Variants in TNRC6C observed in about 807,000 individuals in gnomAD.
The protein encoded by TNRC6C is trinucleotide repeat containing adaptor 6C, also known as trinucleotide repeat-containing gene 6C protein.
A neutral mutation model predicts 153.7 loss-of-function variants in TNRC6C; 20 were observed. The ratio of observed to expected loss-of-function variants is 0.13; its 90% CI spans 0.09 to 0.19. The LOEUF (loss-of-function observed/expected upper bound fraction) is 0.19. TNRC6C is among the 10% of genes least tolerant of loss of function. The probability of loss-of-function intolerance (pLI) is 1.00; values close to 1 mark genes in which losing one functional copy is unlikely to be tolerated. For missense variants in TNRC6C, 1,987 were observed against 2,172.0 expected (o/e 0.91, Z 1.69); for synonymous variants, 811 against 841.4 (o/e 0.96, Z 0.63).
chr17:78,000,927 T>G (rs1010475570), upstream of TNRC6C, among the ~76,000 whole-genome samples: 10 of 152,180 alleles, frequency 6.6e-5, no homozygotes, highest in Non-Finnish European at 1.5e-4. Context: ...CTACATAATT[T>G]CACCTTTTGA....
Position 78,050,592 on chromosome 17 carries a change from C to T in TNRC6C, c.1530C>T (p.Val510=), listed in dbSNP as rs765293196. The T allele has an allele frequency of 1.1e-5, 17 of 1,590,800 alleles. No homozygotes were observed. In the East Asian group the frequency reaches 2.9e-4, roughly 27 times the overall value. ...ATACCTCTTCAGTATCTGGGTGGGT[C>T]AACGCGCCACCTGCCGCTGTGCCAG... is the stretch of plus-strand genomic sequence containing the variant. Residue 510 remains valine (V), a synonymous_variant, in exon 3 of 20, where the codon GTC becomes GTT. Coordinates refer to ENST00000301624, the Ensembl canonical transcript of TNRC6C.
At chr17:77,976,732 C>T (rs956701313) in intron 1 of TNRC6C, among the ~76,000 whole-genome samples, 14 of 151,998 alleles carry the variant, frequency 9.2e-5, no homozygotes, top group Admixed American at 9.2e-4. Flanking sequence ...AGTTAGAGAT[C>T]AGCCTAACCA....
Position 78,079,860 on chromosome 17 carries a change from G to T in TNRC6C, c.3357+319G>T, listed in dbSNP as rs576381095. 3.9e-5 allele frequency among the ~76,000 whole-genome samples: 6 copies of T among 152,230 alleles called. No individual in the cohort carries two copies. Among genetic ancestry groups the T allele is most frequent in the South Asian group, 4.2e-4 (2 of 4,810 alleles). On this transcript the variant is annotated intron_variant, in intron 10 of 19. Transcript: ENST00000301624. The surrounding 1 kb of genome is among the most constrained non-coding windows in gnomAD (Gnocchi z 4.3). Reference sequence around the variant, plus strand: ...AACACACTCCCATTGATGTGCTTTTGTCCCAGTCTTTGTCGAGAAAATTAT... The same window carrying T: ...AACACACTCCCATTGATGTGCTTTTTTCCCAGTCTTTGTCGAGAAAATTAT...
At chr17:78,015,163 T>C (rs953372948) in intron 1 of TNRC6C, among the ~76,000 whole-genome samples, 2 of 152,178 alleles carry the variant, frequency 1.3e-5, no homozygotes, top group South Asian at 2.1e-4. Flanking sequence ...TTTTTGACAA[T>C]TTTTTTCATT....
chr17:78,028,963 C>T (rs546805113), intron 1 of TNRC6C, among the ~76,000 whole-genome samples: 3 of 152,296 alleles, frequency 2.0e-5, no homozygotes, highest in Non-Finnish European at 4.4e-5. Context: ...AATTACTACT[C>T]GAATCACTGT....
intron 16 of TNRC6C, 133 bp downstream of exon 19, chr17:78,097,994 G>A (rs749478156): frequency 2.1e-5 from 17 of 808,028 alleles, no homozygotes; most frequent in Admixed American, 2.9e-5. Flanking sequence ...CGTGATGAAG[G>A]ATGGGTGGGG....
chr17:78,047,028 G>A (rs2072425590), intron 2 of TNRC6C, among the ~76,000 whole-genome samples: 1 of 152,106 alleles, frequency 6.6e-6, no homozygotes, highest in Admixed American at 6.5e-5. Context: ...TGGTCAGCCA[G>A]GTTGTTAACC....
intron 1 of TNRC6C, among the ~76,000 whole-genome samples, chr17:78,017,753 C>T (rs1012370162): frequency 7.9e-5 from 12 of 152,344 alleles, no homozygotes; most frequent in African/African-American, 2.9e-4. Flanking sequence ...TCCTGTGAAA[C>T]AACCCTGCTA....
chr17:77,999,442 A>G (rs138367754), upstream of TNRC6C, among the ~76,000 whole-genome samples: 7 of 152,166 alleles, frequency 4.6e-5, no homozygotes, highest in East Asian at 1.4e-3. Context: ...ACTTTTCATT[A>G]TTTATGTGTT....
intron 15 of TNRC6C, 30 bp downstream of exon 17, chr17:78,093,154 G>A (rs748202259): frequency 2.5e-6 from 4 of 1,604,868 alleles, no homozygotes; most frequent in Admixed American, 1.7e-5. Flanking sequence ...CTGTGCAACA[G>A]CAGCAGGTCA....
intron 1 of TNRC6C, among the ~76,000 whole-genome samples, chr17:77,960,800 G>C (rs764093150): frequency 3.3e-5 from 5 of 152,092 alleles, no homozygotes; most frequent in African/African-American, 4.8e-5. Context: ...TGCAAAACAG[G>C]GTTTTTAAAA....
At chr17:78,030,873 C>T (rs1434544527) in intron 1 of TNRC6C, among the ~76,000 whole-genome samples, 5 of 151,964 alleles carry the variant, frequency 3.3e-5, no homozygotes, top group African/African-American at 9.7e-5. Flanking sequence ...CTGAGGCGAG[C>T]GGATCACTTG....
At chr17:78,107,075 T>C (rs1217050056) in exon 20 of TNRC6C, 1 of 152,178 alleles carries the variant, frequency 6.6e-6, no homozygotes, top group African/African-American at 2.4e-5. Flanking sequence ...TCGATGGACA[T>C]ACACCTGCGT....
intron 14 of TNRC6C, among the ~76,000 whole-genome samples, chr17:78,091,976 T>C (rs530126586): frequency 6.6e-5 from 10 of 152,326 alleles, no homozygotes; most frequent in Admixed American, 5.9e-4. Flanking sequence ...ACAGTATGTA[T>C]GGGAACTGCA....
intron 1 of TNRC6C, among the ~76,000 whole-genome samples, chr17:77,982,458 TAGAG>T (rs1484773100): frequency 6.6e-6 from 1 of 152,022 alleles, no homozygotes; most frequent in Non-Finnish European, 1.5e-5. Context: ...ACCAAGCTAA[TAGAG>T]AAGGAGAAAG....
chr17:78,107,087 T>C (rs979030597), exon 20 of TNRC6C: 15 of 152,182 alleles, frequency 9.9e-5, no homozygotes, highest in Admixed American at 2.0e-4. Flanking sequence ...CACCTGCGTA[T>C]GTATATCCAA....
intron 3 of TNRC6C, among the ~76,000 whole-genome samples, chr17:78,052,546 C>G (rs1405274004): frequency 1.3e-5 from 2 of 152,286 alleles, no homozygotes; most frequent in East Asian, 3.9e-4. Flanking sequence ...AAACAGTAAG[C>G]CCAGAAGGTC....
chr17:78,029,772 AT>A (rs148167459), intron 1 of TNRC6C, among the ~76,000 whole-genome samples: 3,634 of 149,386 alleles, frequency 0.024, 84 homozygotes, highest in African/African-American at 0.055. Context: ...TCTGTGTTTA[AT>A]TTTTTTTTTA....
At chr17:78,063,653 T>G (rs914515115) in intron 3 of TNRC6C, among the ~76,000 whole-genome samples, 7 of 150,062 alleles carry the variant, frequency 4.7e-5, no homozygotes, top group Admixed American at 4.7e-4. Flanking sequence ...CTCTTCTGCC[T>G]TCTAAGACAG....
Sources: allele counts gnomAD v4.1 joint callset (sites outside exome capture counted in the v4.1 genomes callset), GRCh38; gene constraint gnomAD v4.1.1; non-coding constraint Gnocchi (gnomAD v3.1); transcripts MANE v1.5; gene names NCBI Gene and HGNC (gene_info 2026-07-23, HGNC 2026-07-21).